The following DIP2C variants were observed in gnomAD, a reference collection of about 807,000 sequenced individuals.
DIP2C encodes DIP2 acetate--CoA ligase C (putative), also known as disco-interacting protein 2 homolog C.
In DIP2C, 33 loss-of-function variants were observed where a neutral mutation model predicts 192.4. The ratio of observed to expected loss-of-function variants is 0.17; its 90% CI spans 0.13 to 0.23. The LOEUF (loss-of-function observed/expected upper bound fraction) is 0.23. Ranked by LOEUF, DIP2C falls within the 10% of genes least tolerant of loss-of-function variation. DIP2C has a pLI of 1.00. For synonymous variants in DIP2C, 979 were observed against 864.1 expected (o/e 1.13, Z -2.33); for missense variants, 1,537 against 2,110.1 (o/e 0.73, Z 5.32).
At chr10:502,792 A>G (rs1845330005) in intron 1 of DIP2C, among the ~76,000 whole-genome samples, 1 of 152,174 alleles carries the variant, frequency 6.6e-6, no homozygotes, top group African/African-American at 2.4e-5. Context: ...TGTATGAAGA[A>G]AACCACAAAA....
At chr10:465,222 G>C (rs1388555840) in intron 3 of DIP2C, among the ~76,000 whole-genome samples, 1 of 144,328 alleles carries the variant, frequency 6.9e-6, no homozygotes, top group Admixed American at 7.1e-5. Flanking sequence ...GGGATGCAAG[G>C]CTGGTTCAAT....
Position 384,017 on chromosome 10 carries a change from C to T in DIP2C, c.1876+10G>A. On this transcript the variant is annotated intron_variant, in intron 16 of 36. Coordinates refer to ENST00000280886, the MANE Select transcript of DIP2C (RefSeq NM_014974.3). ...CGCCTGCCTCACGAGATCACACGCT[C>T]CTCACTTACAGGGGTTCGCGCCGTC... The T allele has an allele frequency of 6.5e-7, 1 of 1,545,492 alleles. No homozygotes were observed. The highest frequency in any genetic ancestry group is 8.7e-7 in the Non-Finnish European group (1 of 1,154,012).
intron 1 of DIP2C, chr10:631,115 C>A (rs1349311693): frequency 6.6e-6 from 1 of 152,198 alleles, no homozygotes; most frequent in Non-Finnish European, 1.5e-5. Flanking sequence ...TGTGCTGACT[C>A]AATTAATTCA....
At chr10:672,214 CGCAGGGACGGAAGAAACACCACAGAT>C (rs1013327508) in intron 1 of DIP2C, among the ~76,000 whole-genome samples, 1 of 151,768 alleles carries the variant, frequency 6.6e-6, no homozygotes, top group Non-Finnish European at 1.5e-5. Flanking sequence ...ACACCACCGA[CGCAGGGACGGAAGAAACACCACAGAT>C]GCACGGATGG....
At chr10:296,997 C>G (rs1237189667) in intron 32 of DIP2C, among the ~76,000 whole-genome samples, 1 of 151,700 alleles carries the variant, frequency 6.6e-6, no homozygotes, top group Non-Finnish European at 1.5e-5. Context: ...TGTAACAAAC[C>G]TGCACGTTGT....
At chr10:372,994 G>A (rs1961173345) in intron 17 of DIP2C, among the ~76,000 whole-genome samples, 1 of 152,180 alleles carries the variant, frequency 6.6e-6, no homozygotes, top group East Asian at 1.9e-4. Context: ...TCATGCATAG[G>A]GACTCGCTTA....
At position 590,843 on chromosome 10, in the gene DIP2C, G is replaced by C. The variant is rs552103970; in HGVS notation, c.85+98651C>G. 2.0e-5 allele frequency among the ~76,000 whole-genome samples: 3 copies of C among 152,312 alleles called. No individual in the cohort carries two copies. The East Asian group carries it at 5.8e-4, about 29-fold the overall frequency. ...AGGTCTCCACCGCACCAGAGCCTGC[G>C]AGGTGAAGGGGCCGCCTCCCTCCAG... On this transcript the variant is annotated intron_variant, in intron 1 of 36. Transcript: ENST00000280886.
chr10:537,953 C>T (rs979539818), intron 1 of DIP2C, among the ~76,000 whole-genome samples: 1 of 152,066 alleles, frequency 6.6e-6, no homozygotes, highest in Admixed American at 6.5e-5. Context: ...CCATGCCTGG[C>T]TATTTTTTGT....
chr10:520,964 C>T (rs961525734), intron 1 of DIP2C, among the ~76,000 whole-genome samples: 1 of 152,178 alleles, frequency 6.6e-6, no homozygotes, highest in African/African-American at 2.4e-5. Context: ...TCAGTGAATT[C>T]AGGCACTCAA....
intron 4 of DIP2C, among the ~76,000 whole-genome samples, chr10:435,237 C>T (rs575667568): frequency 8.5e-5 from 13 of 152,224 alleles, no homozygotes; most frequent in Non-Finnish European, 1.5e-4. Context: ...TTCCCCAGGC[C>T]GGAAGGCTTT....
At chr10:493,641 C>T (rs1844611119) in intron 1 of DIP2C, among the ~76,000 whole-genome samples, 1 of 152,170 alleles carries the variant, frequency 6.6e-6, no homozygotes, top group Admixed American at 6.5e-5. Context: ...CGCTTCCCGA[C>T]AGACAGAGGG....
rs1309401697 is a variant in DIP2C at position 682,020 on chromosome 10, G to C, written c.85+7474C>G. 4.6e-5 allele frequency among the ~76,000 whole-genome samples: 7 copies of C among 152,268 alleles called. 1 individual carries two copies. The highest frequency in any genetic ancestry group is 4.6e-4 in the Admixed American group (7 of 15,290). Reference sequence around the variant, plus strand: ...CCACTCTAAGTTCCAACTGCATGGAGTGTGTATTCCATGAATGCTTGTTAA... The same window carrying C: ...CCACTCTAAGTTCCAACTGCATGGACTGTGTATTCCATGAATGCTTGTTAA... On this transcript the variant is annotated intron_variant, in intron 1 of 36. Coordinates refer to ENST00000280886, the MANE Select transcript of DIP2C (RefSeq NM_014974.3).
At chr10:650,052 TG>T in intron 1 of DIP2C, 1 of 704,374 alleles carries the variant, frequency 1.4e-6, no homozygotes, top group East Asian at 2.7e-5. Flanking sequence ...CTCCTGCATC[TG>T]GGAGCTGCCA....
intron 2 of DIP2C, among the ~76,000 whole-genome samples, chr10:484,029 G>C (rs61839512): frequency 0.038 from 5,775 of 152,188 alleles, 199 homozygotes; most frequent in African/African-American, 0.088. Flanking sequence ...AGGCTGGTCT[G>C]AAACACCTGG....
chr10:672,236 C>T (rs983269924), intron 1 of DIP2C, among the ~76,000 whole-genome samples: 5 of 151,952 alleles, frequency 3.3e-5, no homozygotes, highest in Non-Finnish European at 5.9e-5. Context: ...AGAAACACCA[C>T]AGATGCACGG....
At chr10:372,149 C>T (rs914794263) in intron 17 of DIP2C, among the ~76,000 whole-genome samples, 10 of 150,118 alleles carry the variant, frequency 6.7e-5, no homozygotes, top group Admixed American at 5.3e-4. Flanking sequence ...GATCTTGGCT[C>T]GCTGCAACCT....
At chr10:434,715 CT>C (rs35961801) in intron 4 of DIP2C, among the ~76,000 whole-genome samples, 25,341 of 151,914 alleles carry the variant, frequency 0.17, 5,251 homozygotes, top group African/African-American at 0.49. Context: ...TTTTCCTTCA[CT>C]TTTTGAAAGA....
chr10:575,978 T>C (rs1340352897), intron 1 of DIP2C, among the ~76,000 whole-genome samples: 1 of 152,224 alleles, frequency 6.6e-6, no homozygotes, highest in East Asian at 1.9e-4. Context: ...TTGCAGATGC[T>C]ACTCCTGCAC....
intron 1 of DIP2C, among the ~76,000 whole-genome samples, chr10:558,583 C>G (rs548069866): frequency 6.6e-6 from 1 of 151,908 alleles, no homozygotes; most frequent in African/African-American, 2.4e-5. Context: ...CATGCCAGTG[C>G]GGGGGCCCAC....
Sources: gnomAD v4.1 joint callset for allele counts (sites outside exome capture counted in the v4.1 genomes callset) on GRCh38, gnomAD v4.1.1 for gene constraint, MANE v1.5 for transcripts, NCBI Gene and HGNC (gene_info 2026-07-23, HGNC 2026-07-21) for gene names.